MALRD1: variants seen among roughly 807,000 people sequenced by gnomAD.
MALRD1 encodes the protein MAM and LDL-receptor class A domain-containing protein 1.
In MALRD1, 247 loss-of-function variants were observed where a neutral mutation model predicts 242.1. The observed-to-expected ratio is 1.02, with a 90% CI of 0.92 to 1.13. The LOEUF is 1.13. MALRD1 is among the 50% of genes most tolerant of loss of function. The pLI is 0.00. For missense variants in MALRD1, 2,989 were observed against 2,533.1 expected, an observed-to-expected ratio of 1.18 and a Z score of -3.86; for synonymous variants, 995 against 866.6, an observed-to-expected ratio of 1.15 and a Z score of -2.60.
chr10:19,344,906 TTTGA>T (rs766174134), intron 24 of MALRD1, among the ~76,000 whole-genome samples: 3 of 152,040 alleles, frequency 2.0e-5, no homozygotes, highest in Non-Finnish European at 4.4e-5. Flanking sequence ...TAGAAAATAG[TTTGA>T]TTGATGACAC....
At chr10:19,510,588 A>G (rs140012913) in intron 31 of MALRD1, among the ~76,000 whole-genome samples, 5,894 of 152,220 alleles carry the variant, frequency 0.039, 109 homozygotes, top group Middle Eastern at 0.075. Flanking sequence ...AATCCATTAA[A>G]CCTTGAGTCG....
At chr10:19,685,874 C>G (rs951794081) in intron 36 of MALRD1, among the ~76,000 whole-genome samples, 2 of 152,142 alleles carry the variant, frequency 1.3e-5, no homozygotes, top group Non-Finnish European at 2.9e-5. Context: ...GTGAACCAAT[C>G]TCATGGATTA....
rs35508391 is a variant in MALRD1, at chr10:19,708,504, ATTTTTTTTTTT to A, written c.6314+15962_6314+15972del. ...AGGCATGTACCCAACACTCCCAGCT[ATTTTTTTTTTT>A]TTTTTTTTTTTGTACAGACATGGTC... On this transcript the variant is annotated intron_variant, in intron 38 of 39. Coordinates refer to ENST00000454679, the MANE Select transcript of MALRD1 (RefSeq NM_001142308.3). Among the ~76,000 whole-genome samples the A allele has an allele frequency of 1.9e-4, 11 of 56,826 alleles. 3 individuals are homozygous for A. In the East Asian group the frequency reaches 5.7e-3, roughly 29 times the overall value. 37.3% of individuals were successfully genotyped at this position (56,826 alleles called of 152,430 possible).
chr10:19,258,098 G>T (rs910250083), intron 19 of MALRD1, among the ~76,000 whole-genome samples: 37 of 151,874 alleles, frequency 2.4e-4, no homozygotes, highest in African/African-American at 8.7e-4. Context: ...TAATTACATC[G>T]CATTGGATAC....
At chr10:19,049,248 C>A in intron 1 of MALRD1, 111 bp downstream of exon 1, 1 of 702,012 alleles carries the variant, frequency 1.4e-6, no homozygotes, top group Non-Finnish European at 2.0e-6. Context: ...TGCATTGTAT[C>A]TTGTATACCT....
intron 23 of MALRD1, among the ~76,000 whole-genome samples, chr10:19,329,624 TTC>T (rs1843280443): frequency 6.6e-6 from 1 of 152,194 alleles, no homozygotes; most frequent in Non-Finnish European, 1.5e-5. Context: ...AGGTCTTTTG[TTC>T]TAGTTATGTA....
intron 18 of MALRD1, among the ~76,000 whole-genome samples, chr10:19,220,102 T>C (rs1837494331): frequency 6.6e-6 from 1 of 152,198 alleles, no homozygotes; most frequent in Non-Finnish European, 1.5e-5. Context: ...GCTTTATTTT[T>C]TAAAAAGTTG....
chr10:19,383,287 A>G (rs547627548), intron 26 of MALRD1, among the ~76,000 whole-genome samples: 1 of 152,216 alleles, frequency 6.6e-6, no homozygotes, highest in Admixed American at 6.5e-5. Flanking sequence ...CCCATTGATA[A>G]GTGAGAACAT....
intron 19 of MALRD1, among the ~76,000 whole-genome samples, chr10:19,259,908 T>C (rs1839672971): frequency 6.6e-6 from 1 of 152,114 alleles, no homozygotes; most frequent in Admixed American, 6.6e-5. Flanking sequence ...ATCACCCTTA[T>C]GGTTAAATTT....
chr10:19,160,260 A>G, intron 12 of MALRD1, among the ~76,000 whole-genome samples: 1 of 150,534 alleles, frequency 6.6e-6, no homozygotes, highest in Admixed American at 6.6e-5. Context: ...ATGCTGGATT[A>G]CATTTATTGA....
At chr10:19,243,152 A>G (rs963426874) in intron 18 of MALRD1, among the ~76,000 whole-genome samples, 1 of 151,278 alleles carries the variant, frequency 6.6e-6, no homozygotes, top group African/African-American at 2.4e-5. Context: ...GTAACAGACT[A>G]TTTTAAACTG....
chr10:19,561,223 C>G (rs984706251), intron 32 of MALRD1, among the ~76,000 whole-genome samples: 4 of 152,192 alleles, frequency 2.6e-5, no homozygotes, highest in South Asian at 2.1e-4. Flanking sequence ...AAATTTGCTA[C>G]AGTTTGTTTA....
chr10:19,484,264 G>A (rs1837145266), intron 29 of MALRD1, among the ~76,000 whole-genome samples: 1 of 152,120 alleles, frequency 6.6e-6, no homozygotes, highest in South Asian at 2.1e-4. Flanking sequence ...TGTGCCCTGT[G>A]AATCTAAAAT....
intron 33 of MALRD1, among the ~76,000 whole-genome samples, chr10:19,587,374 A>G (rs1564462698): frequency 2.0e-5 from 3 of 152,362 alleles, no homozygotes; most frequent in South Asian, 2.1e-4. Context: ...GCGTATGACA[A>G]TGTTTGGCAA....
chr10:19,586,889 C>G (rs767665533), intron 33 of MALRD1, among the ~76,000 whole-genome samples: 4 of 152,204 alleles, frequency 2.6e-5, no homozygotes, highest in Non-Finnish European at 5.9e-5. Context: ...CTCCGTGGGC[C>G]TAGGACACTC....
At chr10:19,698,399 G>C (rs948908872) in intron 38 of MALRD1, among the ~76,000 whole-genome samples, 1 of 152,122 alleles carries the variant, frequency 6.6e-6, no homozygotes, top group African/African-American at 2.4e-5. Flanking sequence ...CTAATAATTG[G>C]GGTCAGGCAC....
chr10:19,206,381 A>G (rs1419628028), intron 17 of MALRD1, among the ~76,000 whole-genome samples: 1 of 152,194 alleles, frequency 6.6e-6, no homozygotes, highest in African/African-American at 2.4e-5. Flanking sequence ...TAAAATGGTG[A>G]TTTTGACAAT....
At chr10:19,462,093 A>G (rs1835973192) in intron 29 of MALRD1, among the ~76,000 whole-genome samples, 1 of 152,186 alleles carries the variant, frequency 6.6e-6, no homozygotes, top group Admixed American at 6.5e-5. Flanking sequence ...TTGATGAAGG[A>G]GTGTCACCAG....
intron 21 of MALRD1, among the ~76,000 whole-genome samples, chr10:19,298,512 A>C (rs1337848062): frequency 1.3e-5 from 2 of 151,868 alleles, no homozygotes; most frequent in Non-Finnish European, 2.9e-5. Context: ...CAAGGGGAAA[A>C]GGGAAAGGGA....
Sources: gnomAD v4.1 joint callset for allele counts (sites outside exome capture counted in the v4.1 genomes callset) on GRCh38, gnomAD v4.1.1 for gene constraint, MANE v1.5 for transcripts, NCBI Gene and HGNC (gene_info 2026-07-23, HGNC 2026-07-21) for gene names.